ZNF804B: variants seen among roughly 807,000 people sequenced by gnomAD.
ZNF804B encodes the protein zinc finger 804B.
Under a neutral mutation model 101.4 loss-of-function variants are expected in ZNF804B, and 80 were observed. The ratio of observed to expected loss-of-function variants is 0.79; its 90% CI spans 0.66 to 0.95. ZNF804B has a LOEUF of 0.95. ZNF804B is among the 40% of genes least tolerant of loss of function. The probability of loss-of-function intolerance (pLI) is 0.00; values close to 1 mark genes in which losing one functional copy is unlikely to be tolerated. For synonymous variants in ZNF804B, 622 were observed against 558.8 expected (o/e 1.11, Z -1.59); for missense variants, 1,673 against 1,561.9 (o/e 1.07, Z -1.20).
At chr7:89,271,607 T>C (rs1246773328) in intron 2 of ZNF804B, among the ~76,000 whole-genome samples, 1 of 152,200 alleles carries the variant, frequency 6.6e-6, no homozygotes, top group East Asian at 1.9e-4. Context: ...GAGGATTCCC[T>C]CTGTTCCTAT....
Position 89,171,349 on chromosome 7 carries a change from CTT to C in ZNF804B, c.109-46805_109-46804del, listed in dbSNP as rs1562904547. On this transcript the variant is annotated intron_variant, in intron 1 of 3. Coordinates refer to ENST00000333190, the MANE Select transcript of ZNF804B (RefSeq NM_181646.5). ...TCTTCTTCTTCTTCTTCTTCTTCTTCTTCTTCTTCCTCCTCTTCCTCTTCTTC... is the reference window on the plus strand; with the variant it reads ...TCTTCTTCTTCTTCTTCTTCTTCTTCCTTCTTCCTCCTCTTCCTCTTCTTC... 1.7e-4 allele frequency among the ~76,000 whole-genome samples: 22 copies of C among 130,800 alleles called. 1 individual carries two copies. The highest frequency in any genetic ancestry group is 1.5e-4 in the Admixed American group (2 of 13,412). 85.8% of individuals were successfully genotyped at this position (130,800 alleles called of 152,430 possible).
intron 1 of ZNF804B, among the ~76,000 whole-genome samples, chr7:89,166,471 T>C (rs974219509): frequency 7.9e-5 from 12 of 152,148 alleles, no homozygotes; most frequent in African/African-American, 2.7e-4. Context: ...AAGGAAATAC[T>C]CTAGTATATT....
intron 1 of ZNF804B, among the ~76,000 whole-genome samples, chr7:88,838,210 T>C (rs1236839970): frequency 6.6e-6 from 1 of 151,912 alleles, no homozygotes; most frequent in Non-Finnish European, 1.5e-5. Context: ...ATACGCTCAA[T>C]TCTTTTGTTT....
At chr7:88,959,948 A>T (rs992893467) in intron 1 of ZNF804B, among the ~76,000 whole-genome samples, 4 of 151,450 alleles carry the variant, frequency 2.6e-5, no homozygotes, top group African/African-American at 7.2e-5. Context: ...TTTTGGCACA[A>T]ATATTCTTGA....
At chr7:89,037,878 G>T (rs1382974693) in intron 1 of ZNF804B, among the ~76,000 whole-genome samples, 3 of 152,042 alleles carry the variant, frequency 2.0e-5, no homozygotes, top group Non-Finnish European at 2.9e-5. Context: ...AACTTGTTTA[G>T]ATACCACGCA....
chr7:89,160,906 T>C (rs1584024090), intron 1 of ZNF804B, among the ~76,000 whole-genome samples: 1 of 152,164 alleles, frequency 6.6e-6, no homozygotes, highest in African/African-American at 2.4e-5. Context: ...GAAATTCACA[T>C]AGCTGATAAG....
chr7:88,875,482 C>G (rs1405992158), intron 1 of ZNF804B, among the ~76,000 whole-genome samples: 2 of 152,080 alleles, frequency 1.3e-5, no homozygotes, highest in Non-Finnish European at 2.9e-5. Context: ...GGAGATATCA[C>G]CACCGATCCC....
chr7:89,335,921 C>G lies in ZNF804B; in HGVS notation c.2939C>G (p.Ser980Cys), dbSNP rs760965723. Residue 980 changes from serine to cysteine, a missense_variant, in exon 4 of 4, where the codon TCT (serine) becomes TGT (cysteine). Physicochemically the swap from Ser to Cys is moderately radical, Grantham distance 112. Coordinates refer to ENST00000333190, the MANE Select transcript of ZNF804B (RefSeq NM_181646.5). ...TGTAACAGACAAGCATTGCCTTTGT[C>G]TGAAAAAATACAGTATGCAAGTGAG... is the stretch of plus-strand genomic sequence containing the variant. ...SGCNRQALPL[S>C]EKIQYASESR... 14 of 1,614,020 alleles carry G rather than the reference C, an allele frequency of 8.7e-6. No individual in the cohort carries two copies. Among genetic ancestry groups the G allele is most frequent in the Non-Finnish European group, 1.2e-5 (14 of 1,179,976 alleles).
rs370728772 is a variant in ZNF804B at position 88,855,486 on chromosome 7, C to T, written c.108+95402C>T. On this transcript the variant is annotated intron_variant, in intron 1 of 3. Transcript: ENST00000333190. ...TTCTTGTAAATTTGTTTGAGTTCAT[C>T]GTAGATTCTGGATATTAGCCCTTTG... is the stretch of plus-strand genomic sequence containing the variant. 3.7e-3 allele frequency among the ~76,000 whole-genome samples: 567 copies of T among 151,724 alleles called. 5 individuals carry two copies. The highest frequency in any genetic ancestry group is 0.012 in the African/African-American group (478 of 41,412).
At chr7:89,228,914 C>G (rs903348677) in intron 2 of ZNF804B, among the ~76,000 whole-genome samples, 1 of 152,172 alleles carries the variant, frequency 6.6e-6, no homozygotes, top group African/African-American at 2.4e-5. Context: ...AGCCCTGCCC[C>G]GCGGGAAGGC....
intron 1 of ZNF804B, among the ~76,000 whole-genome samples, chr7:89,085,139 T>A (rs1476416265): frequency 2.5e-5 from 1 of 39,710 alleles, no homozygotes; most frequent in Non-Finnish European, 4.4e-5. Context: ...TAGAATATGC[T>A]CGCCAAATCA....
At chr7:89,060,141 T>C (rs1195071346) in intron 1 of ZNF804B, among the ~76,000 whole-genome samples, 1 of 152,084 alleles carries the variant, frequency 6.6e-6, no homozygotes, top group Admixed American at 6.6e-5. Context: ...TCCCAGGGTC[T>C]CCAGCTTGCA....
At chr7:88,910,855 C>A (rs1054886264) in intron 1 of ZNF804B, among the ~76,000 whole-genome samples, 2 of 151,918 alleles carry the variant, frequency 1.3e-5, no homozygotes, top group Non-Finnish European at 2.9e-5. Flanking sequence ...GTAAAACTCA[C>A]AATATTCTTC....
At chr7:88,937,064 C>G (rs1001938656) in intron 1 of ZNF804B, among the ~76,000 whole-genome samples, 2 of 148,202 alleles carry the variant, frequency 1.3e-5, no homozygotes, top group African/African-American at 5.0e-5. Flanking sequence ...TGGAAATAGG[C>G]CTGCTTTCTG....
chr7:89,272,618 C>T (rs1434942037), intron 2 of ZNF804B, among the ~76,000 whole-genome samples: 1 of 152,044 alleles, frequency 6.6e-6, no homozygotes, highest in Non-Finnish European at 1.5e-5. Flanking sequence ...ACTAAGTTTT[C>T]CCGCTACCCC....
chr7:89,323,323 T>C (rs527875810), intron 2 of ZNF804B, among the ~76,000 whole-genome samples: 2 of 152,334 alleles, frequency 1.3e-5, no homozygotes, highest in African/African-American at 2.4e-5. Context: ...ACACAAGAAC[T>C]TTGAAAGATA....
At chr7:88,849,206 TTTGCTC>T (rs1216758541) in intron 1 of ZNF804B, among the ~76,000 whole-genome samples, 9 of 152,170 alleles carry the variant, frequency 5.9e-5, no homozygotes, top group Non-Finnish European at 1.2e-4. Context: ...AGTGATTTAT[TTTGCTC>T]TTGCCTTTGT....
intron 1 of ZNF804B, among the ~76,000 whole-genome samples, chr7:88,940,014 T>A (rs1317509526): frequency 6.6e-6 from 1 of 151,864 alleles, no homozygotes; most frequent in Non-Finnish European, 1.5e-5. Context: ...ATATGGAAAA[T>A]TAAAAACACA....
At chr7:89,078,958 A>T (rs1331045284) in intron 1 of ZNF804B, among the ~76,000 whole-genome samples, 1 of 152,082 alleles carries the variant, frequency 6.6e-6, no homozygotes, top group Non-Finnish European at 1.5e-5. Flanking sequence ...GGAAATTCTG[A>T]CGTAGTAGTT....
Sources: allele counts gnomAD v4.1 joint callset (sites outside exome capture counted in the v4.1 genomes callset), GRCh38; gene constraint gnomAD v4.1.1; transcripts MANE v1.5; gene names NCBI Gene and HGNC (gene_info 2026-07-23, HGNC 2026-07-21).